MAP3K13: variants seen among roughly 807,000 people sequenced by gnomAD.
MAP3K13 encodes mitogen-activated protein kinase kinase kinase 13, also known as leucine zipper-bearing kinase.
Under a neutral mutation model 104.0 loss-of-function variants are expected in MAP3K13, and 52 were observed. The ratio of observed to expected loss-of-function variants is 0.50; its 90% confidence interval spans 0.40 to 0.63. The LOEUF is 0.63. MAP3K13 is among the 20% of genes least tolerant of loss of function. The probability of loss-of-function intolerance (pLI) is 0.00; values close to 1 mark genes in which losing one functional copy is unlikely to be tolerated. For synonymous variants in MAP3K13, 394 were observed against 442.2 expected, an observed-to-expected ratio of 0.89 and a Z score of 1.37; for missense variants, 914 against 1,218.5, an observed-to-expected ratio of 0.75 and a Z score of 3.72.
At chr3:185,289,138 A>G (rs1720642209) in intron 2 of MAP3K13, among the ~76,000 whole-genome samples, 1 of 152,122 alleles carries the variant, frequency 6.6e-6, no homozygotes, top group Admixed American at 6.5e-5. Flanking sequence ...CTGTTATTTG[A>G]GGCCAAATTT....
At chr3:185,391,825 A>C (rs1402486367) in intron 1 of MAP3K13, among the ~76,000 whole-genome samples, 1 of 152,210 alleles carries the variant, frequency 6.6e-6, no homozygotes, top group Non-Finnish European at 1.5e-5. Context: ...GGAACTGTTC[A>C]CAATTAAAAA....
At chr3:185,295,844 A>G (rs558178533) in intron 2 of MAP3K13, among the ~76,000 whole-genome samples, 2 of 152,218 alleles carry the variant, frequency 1.3e-5, no homozygotes, top group Admixed American at 6.5e-5. Context: ...GGCAAATAGT[A>G]GGGATTCAGT....
At chr3:185,288,039 A>T (rs1334893266) in intron 2 of MAP3K13, among the ~76,000 whole-genome samples, 1 of 152,220 alleles carries the variant, frequency 6.6e-6, no homozygotes, top group African/African-American at 2.4e-5. Flanking sequence ...TATTTTGCAT[A>T]TAGTCATTTC....
At chr3:185,412,113 A>G (rs766330723) in intron 1 of MAP3K13, among the ~76,000 whole-genome samples, 3 of 152,150 alleles carry the variant, frequency 2.0e-5, no homozygotes, top group Non-Finnish European at 4.4e-5. Flanking sequence ...TACCTTTGTA[A>G]TATTAACCTT....
Position 185,329,849 on chromosome 3 carries a change from TTA to T in MAP3K13, c.-86+44210_-86+44211del, listed in dbSNP as rs149988817. Among the ~76,000 whole-genome samples, 420 of 152,086 alleles carry T rather than the reference TTA, an allele frequency of 2.8e-3. 19 individuals are homozygous for T. In the East Asian group the frequency reaches 0.074, roughly 27 times the overall value. On this transcript the variant is annotated intron_variant, in intron 2 of 14. Coordinates refer to the MAP3K13 transcript ENST00000424227. The stretch of plus-strand genomic sequence containing the variant: ...TTTTAAAAAACCTGGTACATGACAA[TTA>T]TATGACTTTTAACTATATAAAAGGT...
chr3:185,321,196 TTATA>T (rs1182400603), intron 2 of MAP3K13, among the ~76,000 whole-genome samples: 1 of 149,326 alleles, frequency 6.7e-6, no homozygotes, highest in Non-Finnish European at 1.5e-5. Context: ...CATGTGTATA[TTATA>T]TATGCATGCA....
chr3:185,435,490 C>T (rs1465186472), intron 2 of MAP3K13, among the ~76,000 whole-genome samples: 2 of 152,194 alleles, frequency 1.3e-5, no homozygotes, highest in Non-Finnish European at 2.9e-5. Context: ...AAATAGCCAA[C>T]GCTATCACTT....
intron 1 of MAP3K13, among the ~76,000 whole-genome samples, chr3:185,399,576 C>G (rs938738488): frequency 7.0e-6 from 1 of 143,196 alleles, no homozygotes; most frequent in Admixed American, 7.4e-5. Flanking sequence ...CCATTGCACT[C>G]CAGCCTGGGC....
At chr3:185,341,538 C>G (rs1722723322) in intron 2 of MAP3K13, among the ~76,000 whole-genome samples, 1 of 152,190 alleles carries the variant, frequency 6.6e-6, no homozygotes, top group African/African-American at 2.4e-5. Context: ...GAAACTAATG[C>G]AACGTTTAAC....
intron 12 of MAP3K13, among the ~76,000 whole-genome samples, chr3:185,479,097 C>T (rs906296397): frequency 3.2e-4 from 48 of 152,298 alleles, no homozygotes; most frequent in Admixed American, 5.2e-4. Flanking sequence ...GTTGGCTCAT[C>T]AGAGCCAAAC....
intron 1 of MAP3K13, among the ~76,000 whole-genome samples, chr3:185,370,080 C>T (rs898792258): frequency 3.9e-5 from 6 of 152,174 alleles, no homozygotes; most frequent in Non-Finnish European, 2.9e-5. Context: ...TTAATGCTAA[C>T]ATTGTAAGAT....
At chr3:185,360,010 A>G (rs1302262007), upstream of MAP3K13, among the ~76,000 whole-genome samples, 1 of 151,696 alleles carries the variant, frequency 6.6e-6, no homozygotes, top group East Asian at 1.9e-4. Flanking sequence ...TAATTTCTAT[A>G]TATAGATTTT....
intron 1 of MAP3K13, among the ~76,000 whole-genome samples, chr3:185,397,245 T>C (rs1712480382): frequency 6.6e-6 from 1 of 152,250 alleles, no homozygotes; most frequent in African/African-American, 2.4e-5. Context: ...ATTGGATTGT[T>C]CTAATTTCTT....
chr3:185,460,688 T>A (rs1372055972), intron 7 of MAP3K13, among the ~76,000 whole-genome samples: 1 of 152,226 alleles, frequency 6.6e-6, no homozygotes, highest in African/African-American at 2.4e-5. Context: ...AGGAATAGGA[T>A]ACCTTCGGGG....
chr3:185,308,087 T>G (rs536336003), intron 2 of MAP3K13, among the ~76,000 whole-genome samples: 1 of 150,940 alleles, frequency 6.6e-6, no homozygotes, highest in East Asian at 2.0e-4. Flanking sequence ...TCTTGATTAT[T>G]TTTTGCTGGG....
intron 7 of MAP3K13, among the ~76,000 whole-genome samples, chr3:185,462,756 G>A (rs1482914295): frequency 6.6e-6 from 1 of 152,218 alleles, no homozygotes; most frequent in African/African-American, 2.4e-5. Flanking sequence ...CTGGGTGACA[G>A]AGCGAGACTC....
chr3:185,397,794 G>A (rs1405976945), intron 1 of MAP3K13, among the ~76,000 whole-genome samples: 1 of 152,082 alleles, frequency 6.6e-6, no homozygotes, highest in Non-Finnish European at 1.5e-5. Flanking sequence ...AGGGTTGTGG[G>A]GTGGACCGGA....
chr3:185,452,776 C>T (rs1715965597), intron 7 of MAP3K13, among the ~76,000 whole-genome samples: 1 of 152,142 alleles, frequency 6.6e-6, no homozygotes, highest in Non-Finnish European at 1.5e-5. Context: ...GGCCTCTATC[C>T]CTCCAGCAGG....
intron 2 of MAP3K13, among the ~76,000 whole-genome samples, chr3:185,430,731 T>A (rs1714695880): frequency 1.3e-5 from 2 of 152,092 alleles, no homozygotes; most frequent in Admixed American, 6.6e-5. Context: ...TCCAAAAAAA[T>A]TTTAAAATAA....
Sources: allele counts gnomAD v4.1 joint callset (sites outside exome capture counted in the v4.1 genomes callset), GRCh38; gene constraint gnomAD v4.1.1; transcripts MANE v1.5; gene names NCBI Gene and HGNC (gene_info 2026-07-23, HGNC 2026-07-21).